Variants in BICC1 observed in about 807,000 individuals in gnomAD.
The protein encoded by BICC1 is protein bicaudal C homolog 1.
In BICC1, 43 loss-of-function variants were observed where a neutral mutation model predicts 111.0. The observed-to-expected ratio is 0.39, with a 90% CI of 0.30 to 0.50. The LOEUF is 0.50. BICC1 is among the 20% of genes least tolerant of loss of function. The probability of loss-of-function intolerance (pLI) is 0.88; values close to 1 mark genes in which losing one functional copy is unlikely to be tolerated. For missense variants in BICC1, 1,091 were observed against 1,203.2 expected (o/e 0.91, Z 1.38); for synonymous variants, 467 against 434.4 (o/e 1.07, Z -0.93).
chr10:58,739,569 T>C (rs1186618593), intron 3 of BICC1, among the ~76,000 whole-genome samples: 1 of 152,000 alleles, frequency 6.6e-6, no homozygotes, highest in African/African-American at 2.4e-5. Flanking sequence ...CTTCCAGATC[T>C]AATTTCTCTC....
At chr10:58,590,421 G>A (rs1844575247) in intron 1 of BICC1, among the ~76,000 whole-genome samples, 1 of 152,112 alleles carries the variant, frequency 6.6e-6, no homozygotes, top group African/African-American at 2.4e-5. Context: ...TTATAAGGAA[G>A]TCTATTAAAA....
chr10:58,780,054 A>T (rs1842844547), intron 3 of BICC1, among the ~76,000 whole-genome samples: 1 of 152,194 alleles, frequency 6.6e-6, no homozygotes, highest in African/African-American at 2.4e-5. Flanking sequence ...AGTGTTTGTC[A>T]ACACTGGCCA....
chr10:58,772,825 G>T (rs1190072464), intron 3 of BICC1, among the ~76,000 whole-genome samples: 1 of 152,048 alleles, frequency 6.6e-6, no homozygotes, highest in African/African-American at 2.4e-5. Context: ...AAAAAGATGT[G>T]TACTGCATAT....
chr10:58,541,753 T>C (rs1842988659), intron 1 of BICC1, among the ~76,000 whole-genome samples: 1 of 151,918 alleles, frequency 6.6e-6, no homozygotes, highest in Admixed American at 6.6e-5. Context: ...GCCAAAAAAG[T>C]CTTGAGAAAA....
chr10:58,737,032 C>A (rs1482402249), intron 3 of BICC1, among the ~76,000 whole-genome samples: 2 of 151,696 alleles, frequency 1.3e-5, no homozygotes, highest in Non-Finnish European at 2.9e-5. Flanking sequence ...CTATATATGT[C>A]AACATTTGAA....
At chr10:58,663,925 TC>T (rs1225390606) in intron 2 of BICC1, among the ~76,000 whole-genome samples, 2 of 152,184 alleles carry the variant, frequency 1.3e-5, no homozygotes, top group South Asian at 2.1e-4. Context: ...TGAGTAGTGG[TC>T]TATTGTATGG....
intron 3 of BICC1, among the ~76,000 whole-genome samples, chr10:58,714,410 A>G (rs1840671977): frequency 6.6e-6 from 1 of 152,230 alleles, no homozygotes; most frequent in African/African-American, 2.4e-5. Flanking sequence ...ACACATTTTA[A>G]AAGCCAGTTT....
intron 2 of BICC1, among the ~76,000 whole-genome samples, chr10:58,700,519 T>C (rs1245554757): frequency 1.3e-5 from 2 of 152,184 alleles, no homozygotes; most frequent in Admixed American, 6.5e-5. Context: ...GGCCAGGTGC[T>C]GTAGGATTAA....
intron 3 of BICC1, among the ~76,000 whole-genome samples, chr10:58,769,404 G>GTGTGTGTGTGTGTGTA (rs1050060686): frequency 9.1e-6 from 1 of 109,746 alleles, no homozygotes; most frequent in African/African-American, 3.2e-5. Flanking sequence ...GTGTGTGTGT[G>GTGTGTGTGTGTGTGTA]TATATATATA....
intron 3 of BICC1, among the ~76,000 whole-genome samples, chr10:58,750,657 G>A (rs1841959553): frequency 6.6e-6 from 1 of 152,140 alleles, no homozygotes; most frequent in African/African-American, 2.4e-5. Flanking sequence ...AATATGATAG[G>A]TGAAAAAGTC....
rs866465899 is a variant in BICC1 at position 58,559,805 on chromosome 10, C to T, written c.190+46472C>T. ...GAGAATTTTTATCATGAAGGGATGTCGAATTTTATCAAATGCTTTTTCTGT... is the reference window on the plus strand; with the variant it reads ...GAGAATTTTTATCATGAAGGGATGTTGAATTTTATCAAATGCTTTTTCTGT... On this transcript the variant is annotated intron_variant, in intron 1 of 20. Transcript: ENST00000373886. Among the ~76,000 whole-genome samples, 19 of 152,000 alleles carry T rather than the reference C, an allele frequency of 1.3e-4. 1 individual carries two copies. The highest frequency in any genetic ancestry group is 3.4e-3 in the Middle Eastern group (1 of 294).
intron 5 of BICC1, 96 bp from the exon 6 acceptor site, chr10:58,788,274 G>C: frequency 1.1e-6 from 1 of 899,352 alleles, no homozygotes; most frequent in South Asian, 1.5e-5. Flanking sequence ...ATTTGTCCCT[G>C]GATGACACTT....
intron 8 of BICC1, among the ~76,000 whole-genome samples, chr10:58,792,159 C>G (rs1490597340): frequency 2.0e-5 from 3 of 152,018 alleles, no homozygotes; most frequent in Non-Finnish European, 4.4e-5. Context: ...CAAATTCCAG[C>G]ACCCAGTGGG....
intron 1 of BICC1, among the ~76,000 whole-genome samples, chr10:58,562,482 T>G (rs1843634116): frequency 6.6e-6 from 1 of 152,080 alleles, no homozygotes; most frequent in East Asian, 1.9e-4. Context: ...TTTTTATATC[T>G]ATTTGTGTTG....
chr10:58,700,035 G>A (rs11006227), intron 2 of BICC1, among the ~76,000 whole-genome samples: 41,848 of 152,042 alleles, frequency 0.28, 7,840 homozygotes, highest in African/African-American at 0.53. Context: ...AGTAACTTAG[G>A]GGAAAATTCT....
intron 2 of BICC1, among the ~76,000 whole-genome samples, chr10:58,689,355 C>T (rs976467179): frequency 2.0e-5 from 3 of 152,174 alleles, no homozygotes; most frequent in East Asian, 1.9e-4. Flanking sequence ...GATTGGATCA[C>T]GTGCCTATTG....
chr10:58,579,404 A>G (rs1844204447), intron 1 of BICC1, among the ~76,000 whole-genome samples: 1 of 152,204 alleles, frequency 6.6e-6, no homozygotes, highest in Admixed American at 6.5e-5. Flanking sequence ...TAAAACTAGA[A>G]TTGTCTTCAC....
At chr10:58,801,915 A>C (rs1843559157) in intron 14 of BICC1, among the ~76,000 whole-genome samples, 1 of 152,184 alleles carries the variant, frequency 6.6e-6, no homozygotes, top group Non-Finnish European at 1.5e-5. Context: ...ACTTCCTTGA[A>C]ACTATTGAAG....
chr10:58,637,027 C>T (rs914213134), intron 2 of BICC1, among the ~76,000 whole-genome samples: 1 of 150,810 alleles, frequency 6.6e-6, no homozygotes, highest in Non-Finnish European at 1.5e-5. Context: ...AAACCACACA[C>T]AGTTCTATAA....
Sources: gnomAD v4.1 joint callset for allele counts (sites outside exome capture counted in the v4.1 genomes callset) on GRCh38, gnomAD v4.1.1 for gene constraint, MANE v1.5 for transcripts, NCBI Gene and HGNC (gene_info 2026-07-23, HGNC 2026-07-21) for gene names.